ENOX2: variants seen among roughly 807,000 people sequenced by gnomAD.
ENOX2 encodes the protein ecto-NOX disulfide-thiol exchanger 2.
In ENOX2, 36 loss-of-function variants were observed where a neutral mutation model predicts 45.0. That is an observed-to-expected ratio of 0.80 (90% CI 0.61 to 1.06). The LOEUF (loss-of-function observed/expected upper bound fraction) is 1.06. Ranked by LOEUF, ENOX2 falls within the 50% of genes least tolerant of loss-of-function variation. ENOX2 has a pLI of 0.00. For missense variants in ENOX2, 423 were observed against 462.5 expected (o/e 0.91, Z 0.78); for synonymous variants, 174 against 152.3 (o/e 1.14, Z -1.05).
chrX:130,703,039 A>G lies in ENOX2; in HGVS notation c.97+81T>C, dbSNP rs192688808. On this transcript the variant is annotated intron_variant, in intron 4 of 14. Coordinates refer to ENST00000394363, the MANE Select transcript of ENOX2 (RefSeq NM_006375.4). ...GAATCTGGTAAATGTCAACTTCAAA[A>G]TAAGTTGTGTCATACTGCTATATTT... The G allele has an allele frequency of 9.9e-4, 976 of 981,944 alleles. 7 individuals are homozygous for G. In the South Asian group the frequency reaches 0.016, roughly 16 times the overall value. The allele number at this position is 981,944 out of a possible 1,213,427, so 80.9% of individuals were successfully genotyped here.
intron 2 of ENOX2, among the ~76,000 whole-genome samples, chrX:130,868,512 C>G (rs894998147): frequency 1.8e-5 from 2 of 111,394 alleles, no homozygotes; most frequent in African/African-American, 6.5e-5. Context: ...GGCTCGGAGC[C>G]CCCGGTGTTC....
chrX:130,638,521 A>G (rs1251555752), intron 10 of ENOX2, among the ~76,000 whole-genome samples: 1 of 111,347 alleles, frequency 9.0e-6, no homozygotes, highest in Non-Finnish European at 1.9e-5. Context: ...GTAAAAACTA[A>G]GACATAAGAT....
intron 1 of ENOX2, 33 bp from the exon 2 acceptor site, chrX:130,901,764 T>G (rs913755248): frequency 5.3e-5 from 6 of 112,316 alleles, no homozygotes; most frequent in Admixed American, 2.8e-4. Flanking sequence ...CCAATCTTAA[T>G]TTTTGCCTTC....
intron 2 of ENOX2, among the ~76,000 whole-genome samples, chrX:130,820,749 T>C (rs1277976467): frequency 2.7e-5 from 3 of 112,214 alleles, no homozygotes; most frequent in African/African-American, 9.7e-5. Context: ...ATATGTGGAA[T>C]CTACAAAAAT....
At position 130,847,229 on chromosome X, in the gene ENOX2, A is replaced by G. The variant is rs1282575950; in HGVS notation, c.-183+54455T>C. On this transcript the variant is annotated intron_variant, in intron 2 of 14. Transcript: ENST00000394363. ...CATTGGTCAGATATACTTAAGACCTATGAATAAATAAATATAAATAGGATT... is the reference window on the plus strand; with the variant it reads ...CATTGGTCAGATATACTTAAGACCTGTGAATAAATAAATATAAATAGGATT... Among the ~76,000 whole-genome samples, 7 of 110,419 alleles carry G rather than the reference A, an allele frequency of 6.3e-5. No individual in the cohort carries two copies. The Admixed American group carries it at 6.8e-4, about 11-fold the overall frequency.
rs763315031 is a variant in ENOX2, at chrX:130,637,262, T to G, written c.1278A>C (p.Lys426Asn). The change falls in exon 11 of 15, where the codon AAA (lysine) becomes AAC (asparagine). Residue 426 changes from lysine (K) to asparagine (N), a missense_variant. Lys to Asn is a moderately conservative substitution (Grantham distance 94). Coordinates refer to ENST00000394363, the MANE Select transcript of ENOX2 (RefSeq NM_006375.4). The stretch of plus-strand genomic sequence containing the variant: ...TTCCTTGCAGGGCTTGTTGCAGGAG[T>G]TTCAGCTGCTGTTCTTTGTTAGGGT... ...EDDPNKEQQL[K>N]LLQQALQGMQ... 8.3e-7 allele frequency: 1 copy of G among 1,211,012 alleles called. No homozygotes were observed. Among genetic ancestry groups the G allele is most frequent in the Non-Finnish European group, 1.1e-6 (1 of 895,238 alleles).
chrX:130,629,120 G>T (rs1305941556), intron 13 of ENOX2, among the ~76,000 whole-genome samples: 4 of 111,972 alleles, frequency 3.6e-5, no homozygotes, highest in Non-Finnish European at 7.5e-5. Flanking sequence ...GGTTCCAGAA[G>T]GAACTGAGGG....
At chrX:130,898,736 CT>C (rs58534541) in intron 2 of ENOX2, among the ~76,000 whole-genome samples, 1,686 of 95,076 alleles carry the variant, frequency 0.018, 20 homozygotes, top group African/African-American at 0.041. Context: ...TCTTTTTTTT[CT>C]TTTTTTTTTT....
chrX:130,832,954 T>TAAGA (rs2077862271), intron 2 of ENOX2, among the ~76,000 whole-genome samples: 1 of 107,650 alleles, frequency 9.3e-6, no homozygotes, highest in Admixed American at 1.0e-4. Context: ...CAGATAAACA[T>TAAGA]AAGAAAGACA....
At chrX:130,658,658 A>T in intron 9 of ENOX2, among the ~76,000 whole-genome samples, 1 of 112,297 alleles carries the variant, frequency 8.9e-6, no homozygotes, top group Middle Eastern at 4.6e-3. Context: ...GGGAACAACA[A>T]TTTGAATACT....
At chrX:130,796,289 T>C (rs992658374) in intron 2 of ENOX2, among the ~76,000 whole-genome samples, 2 of 111,632 alleles carry the variant, frequency 1.8e-5, no homozygotes, top group Non-Finnish European at 1.9e-5. Context: ...GATGACTCCA[T>C]GAAAAAATTC....
chrX:130,894,039 C>G (rs971257599), intron 2 of ENOX2, among the ~76,000 whole-genome samples: 36 of 112,210 alleles, frequency 3.2e-4, no homozygotes, highest in African/African-American at 1.2e-3. Flanking sequence ...GAATATTCAT[C>G]TGAGTAACAT....
At chrX:130,744,157 C>T (rs2039046709) in intron 3 of ENOX2, among the ~76,000 whole-genome samples, 1 of 112,006 alleles carries the variant, frequency 8.9e-6, no homozygotes. Flanking sequence ...TATTCAAATA[C>T]AGGCTAGATT....
intron 2 of ENOX2, among the ~76,000 whole-genome samples, chrX:130,865,545 T>C (rs1000431030): frequency 8.9e-6 from 1 of 112,379 alleles, no homozygotes; most frequent in African/African-American, 3.2e-5. Context: ...TTAAAAGTTT[T>C]GCACAAAACT....
At chrX:130,877,083 T>C (rs1042631597) in intron 2 of ENOX2, among the ~76,000 whole-genome samples, 5 of 112,013 alleles carry the variant, frequency 4.5e-5, no homozygotes, top group African/African-American at 1.6e-4. Flanking sequence ...TCTGAACTTT[T>C]ATCTATAAAC....
intron 4 of ENOX2, among the ~76,000 whole-genome samples, chrX:130,694,579 G>A (rs1446495768): frequency 1.9e-5 from 2 of 106,091 alleles, no homozygotes; most frequent in Non-Finnish European, 3.9e-5. Context: ...TGGCAGGCCC[G>A]TTCATGCTGG....
At chrX:130,677,594 TC>T (rs1246936797) in intron 6 of ENOX2, among the ~76,000 whole-genome samples, 1 of 110,862 alleles carries the variant, frequency 9.0e-6, no homozygotes, top group African/African-American at 3.3e-5. Flanking sequence ...GAAGTCTCTG[TC>T]CTCATAAATG....
intron 6 of ENOX2, among the ~76,000 whole-genome samples, chrX:130,677,100 T>C (rs2037173494): frequency 8.9e-6 from 1 of 111,881 alleles, no homozygotes; most frequent in Non-Finnish European, 1.9e-5. Context: ...TGCCCCATTG[T>C]CCACAAGCAA....
chrX:130,858,976 C>T (rs995395368), intron 2 of ENOX2, among the ~76,000 whole-genome samples: 4 of 112,164 alleles, frequency 3.6e-5, no homozygotes, highest in African/African-American at 1.3e-4. Context: ...ATGTGTCAGA[C>T]CCTATGTTAG....
Sources: allele counts gnomAD v4.1 joint callset (sites outside exome capture counted in the v4.1 genomes callset), GRCh38; gene constraint gnomAD v4.1.1; transcripts MANE v1.5; gene names NCBI Gene and HGNC (gene_info 2026-07-23, HGNC 2026-07-21).